PCDHGA5: variants seen among roughly 807,000 people sequenced by gnomAD.
The protein encoded by PCDHGA5 is protocadherin gamma subfamily A, 5.
Under a neutral mutation model 56.7 loss-of-function variants are expected in PCDHGA5, and 36 were observed. The ratio of observed to expected loss-of-function variants is 0.64; its 90% CI spans 0.49 to 0.84. The LOEUF (loss-of-function observed/expected upper bound fraction) is 0.84. PCDHGA5 is among the 40% of genes least tolerant of loss of function. PCDHGA5 has a pLI of 0.00. For synonymous variants in PCDHGA5, 563 were observed against 520.2 expected (o/e 1.08, Z -1.12); for missense variants, 1,305 against 1,201.5 (o/e 1.09, Z -1.27).
chr5:141,383,440 G>C, intron 1 of PCDHGA5: 1 of 1,613,950 alleles, frequency 6.2e-7, no homozygotes, highest in African/African-American at 1.3e-5. Flanking sequence ...CTTCTCCCTG[G>C]CTGTGCAAAG....
chr5:141,486,345 A>C lies in PCDHGA5; in HGVS notation c.2422-8462A>C. On this transcript the variant is annotated intron_variant, in intron 1 of 3. Coordinates refer to ENST00000518069, the MANE Select transcript of PCDHGA5 (RefSeq NM_018918.3). This position sits in a 1 kb window ranked among gnomAD's most constrained non-coding sequence, Gnocchi z 5.0. Reference sequence around the variant, plus strand: ...GGAGATGTGAGCCTCCGCATTCCTGACCACTTGCCATTTGCCCTCAAGTCT... The same window carrying C: ...GGAGATGTGAGCCTCCGCATTCCTGCCCACTTGCCATTTGCCCTCAAGTCT... The C allele has an allele frequency of 6.2e-7, 1 of 1,613,940 alleles. No homozygotes were observed. The highest frequency in any genetic ancestry group is 8.5e-7 in the Non-Finnish European group (1 of 1,179,986).
At chr5:141,379,744 G>A (rs1333166422) in intron 1 of PCDHGA5, 1 of 152,052 alleles carries the variant, frequency 6.6e-6, no homozygotes, top group African/African-American at 2.4e-5. Flanking sequence ...GCTAAATGAG[G>A]TTCTTTAATC....
Position 141,373,903 on chromosome 5 carries a change from CCAA to C in PCDHGA5, c.2421+7159_2421+7161del, listed in dbSNP as rs1423150628. 3 of 586,252 alleles carry C rather than the reference CCAA, an allele frequency of 5.1e-6. No individual in the cohort carries two copies. In the African/African-American group the frequency reaches 5.7e-5, roughly 11 times the overall value. 36.3% of individuals were successfully genotyped at this position (586,252 alleles called of 1,614,324 possible). The stretch of plus-strand genomic sequence containing the variant: ...TCAACGGAAACTCAAGTTACATCCT[CCAA>C]CAACAAAGCAAATTAGACGGGAAAG... On this transcript the variant is annotated intron_variant, in intron 1 of 3. Coordinates refer to ENST00000518069, the MANE Select transcript of PCDHGA5 (RefSeq NM_018918.3).
Position 141,399,184 on chromosome 5 carries a change from C to T in PCDHGA5, c.2421+32433C>T, listed in dbSNP as rs1398440525. The T allele has an allele frequency of 1.9e-6, 3 of 1,613,746 alleles. No individual in the cohort carries two copies. In the African/African-American group the frequency reaches 4.0e-5, roughly 22 times the overall value. On this transcript the variant is annotated intron_variant, in intron 1 of 3. Coordinates refer to ENST00000518069, the MANE Select transcript of PCDHGA5 (RefSeq NM_018918.3). The stretch of plus-strand genomic sequence containing the variant: ...ATTCCATTCTCTACTTGAAATGATT[C>T]TGGAAAACGCGGTGCCTGGAACACT...
In PCDHGA5 at chr5:141,382,776, A is replaced by G. The variant is rs572614689; in HGVS notation, c.2421+16025A>G. 9.9e-6 allele frequency: 8 copies of G among 809,846 alleles called. No individual in the cohort carries two copies. The Admixed American group carries it at 2.0e-4, about 21-fold the overall frequency. 50.2% of individuals were successfully genotyped at this position (809,846 alleles called of 1,614,324 possible). The stretch of plus-strand genomic sequence containing the variant: ...TAAGCCCTCTTCCAGGCTGCACTAA[A>G]CTCAAGCCTCTATCCTGCTGGATTC... On this transcript the variant is annotated intron_variant, in intron 1 of 3. Transcript: ENST00000518069.
At chr5:141,390,919 A>C (rs1254063856) in intron 1 of PCDHGA5, 1 of 152,550 alleles carries the variant, frequency 6.6e-6, no homozygotes, top group Non-Finnish European at 1.5e-5. Flanking sequence ...AAAAAGGTCT[A>C]CTATGCTCAT....
At chr5:141,495,379 C>T (rs989240656) in intron 2 of PCDHGA5, among the ~76,000 whole-genome samples, 3 of 152,208 alleles carry the variant, frequency 2.0e-5, no homozygotes, top group Non-Finnish European at 4.4e-5. Context: ...TGAGGAAGGA[C>T]TGGGCGGGGC....
chr5:141,473,616 G>A (rs1049605139), intron 1 of PCDHGA5, among the ~76,000 whole-genome samples: 5 of 152,118 alleles, frequency 3.3e-5, no homozygotes, highest in African/African-American at 1.2e-4. Flanking sequence ...GCAAAGGGAG[G>A]GAGGAAAAAG....
chr5:141,400,700 AAAG>A (rs1199384329), intron 1 of PCDHGA5: 5 of 728,844 alleles, frequency 6.9e-6, no homozygotes, highest in Non-Finnish European at 1.1e-5. Flanking sequence ...ATGTCGCATA[AAAG>A]AAGTAGCCTT....
chr5:141,490,882 A>G lies in PCDHGA5; in HGVS notation c.2422-3925A>G, dbSNP rs758716907. ...CGGCTCTCCCCCATTGCATGCCAAC[A>G]CATCTCTGCATGTGTTTGTCCTAGA... On this transcript the variant is annotated intron_variant, in intron 1 of 3. Coordinates refer to ENST00000518069, the MANE Select transcript of PCDHGA5 (RefSeq NM_018918.3). This position sits in a 1 kb window ranked among gnomAD's most constrained non-coding sequence, Gnocchi z 5.4. 6.2e-7 allele frequency: 1 copy of G among 1,613,848 alleles called. No individual in the cohort carries two copies. Among genetic ancestry groups the G allele is most frequent in the Non-Finnish European group, 8.5e-7 (1 of 1,179,920 alleles).
chr5:141,468,131 C>G (rs1006565854), intron 1 of PCDHGA5, among the ~76,000 whole-genome samples: 1 of 151,766 alleles, frequency 6.6e-6, no homozygotes, highest in African/African-American at 2.4e-5. Flanking sequence ...TTGAGACCAG[C>G]CTGGCCAACA....
intron 2 of PCDHGA5, among the ~76,000 whole-genome samples, chr5:141,496,230 C>T (rs1336418553): frequency 2.6e-5 from 4 of 152,160 alleles, no homozygotes; most frequent in Admixed American, 2.0e-4. Flanking sequence ...AGACAGGAAC[C>T]CCCTGCGGGC....
chr5:141,485,274 C>T lies in PCDHGA5; in HGVS notation c.2422-9533C>T. On this transcript the variant is annotated intron_variant, in intron 1 of 3. Transcript: ENST00000518069. The surrounding 1 kb of genome is among the most constrained non-coding windows in gnomAD (Gnocchi z 5.7). Reference sequence around the variant, plus strand: ...TACGTTTGTGGGCAGATCCGCTACCCGGTCCCAGAGGAGTCACAGGAAGGG... The same window carrying T: ...TACGTTTGTGGGCAGATCCGCTACCTGGTCCCAGAGGAGTCACAGGAAGGG... The T allele has an allele frequency of 6.2e-7, 1 of 1,614,106 alleles. No individual in the cohort carries two copies. Among genetic ancestry groups the T allele is most frequent in the South Asian group, 1.1e-5 (1 of 91,086 alleles).
At chr5:141,409,743 T>C in intron 1 of PCDHGA5, 2 of 1,613,048 alleles carry the variant, frequency 1.2e-6, no homozygotes, top group Non-Finnish European at 1.7e-6. Flanking sequence ...AGCGGGGTGG[T>C]GTTCGCGCAG....
chr5:141,466,984 C>A (rs2099133455), intron 1 of PCDHGA5, among the ~76,000 whole-genome samples: 1 of 151,586 alleles, frequency 6.6e-6, no homozygotes, highest in Non-Finnish European at 1.5e-5. Context: ...CATCATTTAC[C>A]TTTTGGCATT....
At chr5:141,401,935 T>C (rs1026278615) in intron 1 of PCDHGA5, among the ~76,000 whole-genome samples, 4 of 152,240 alleles carry the variant, frequency 2.6e-5, no homozygotes, top group African/African-American at 9.6e-5. Flanking sequence ...CTTAGAATAA[T>C]GTTTAAGACC....
intron 1 of PCDHGA5, chr5:141,404,248 G>T (rs1404333144): frequency 6.2e-7 from 1 of 1,613,694 alleles, no homozygotes; most frequent in South Asian, 1.1e-5. Flanking sequence ...CTCCGCCCCT[G>T]TCCACAGAAA....
In PCDHGA5 at chr5:141,476,824, C is replaced by A; in HGVS notation, c.2422-17983C>A. On this transcript the variant is annotated intron_variant, in intron 1 of 3. Coordinates refer to ENST00000518069, the MANE Select transcript of PCDHGA5 (RefSeq NM_018918.3). This position sits in a 1 kb window ranked among gnomAD's most constrained non-coding sequence, Gnocchi z 7.6. Reference sequence around the variant, plus strand: ...TGCCTATTCACATCAAGGTGCTGGACGCGAATGACAATGCGCCTGTCTTCA... The same window carrying A: ...TGCCTATTCACATCAAGGTGCTGGAAGCGAATGACAATGCGCCTGTCTTCA... The A allele has an allele frequency of 1.2e-6, 2 of 1,613,588 alleles. No individual in the cohort carries two copies. The highest frequency in any genetic ancestry group is 1.7e-6 in the Non-Finnish European group (2 of 1,180,036).
chr5:141,403,687 G>A, intron 1 of PCDHGA5: 1 of 1,613,872 alleles, frequency 6.2e-7, no homozygotes, highest in East Asian at 2.2e-5. Context: ...TTGCTCAACG[G>A]ATTTACCGAG....
Sources: allele counts gnomAD v4.1 joint callset (sites outside exome capture counted in the v4.1 genomes callset), GRCh38; gene constraint gnomAD v4.1.1; non-coding constraint Gnocchi (gnomAD v3.1); transcripts MANE v1.5; gene names NCBI Gene and HGNC (gene_info 2026-07-23, HGNC 2026-07-21).